SNX29: variants seen among roughly 807,000 people sequenced by gnomAD.
SNX29 encodes sorting nexin 29.
A neutral mutation model predicts 102.1 loss-of-function variants in SNX29; 78 were observed. The ratio of observed to expected loss-of-function variants is 0.76; its 90% CI spans 0.64 to 0.92. The LOEUF is 0.92. Ranked by LOEUF, SNX29 falls within the 40% of genes least tolerant of loss-of-function variation. The pLI, the probability that SNX29 is intolerant of heterozygous loss-of-function variation, is 0.00. For synonymous variants in SNX29, 580 were observed against 414.5 expected (o/e 1.40, Z -4.85); for missense variants, 1,280 against 1,061.7 (o/e 1.21, Z -2.86).
chr16:11,981,828 G>T (rs192776481), intron 1 of SNX29, among the ~76,000 whole-genome samples: 204 of 152,228 alleles, frequency 1.3e-3, no homozygotes, highest in African/African-American at 4.7e-3. Flanking sequence ...GACACCTGAC[G>T]GAAAGCCTCA....
rs998739020 is a variant in SNX29 at position 12,428,966 on chromosome 16, G to C, written c.2037+25437G>C. Reference sequence around the variant, plus strand: ...ATCTCCTAGTTAATTACAACACACAGATACGATTGCGATTAATAGTTCTTT... The same window carrying C: ...ATCTCCTAGTTAATTACAACACACACATACGATTGCGATTAATAGTTCTTT... On this transcript the variant is annotated intron_variant, in intron 18 of 20. Coordinates refer to ENST00000566228, the MANE Select transcript of SNX29 (RefSeq NM_032167.5). Among the ~76,000 whole-genome samples, 4 of 151,212 alleles carry C rather than the reference G, an allele frequency of 2.6e-5. No individual in the cohort carries two copies. In the East Asian group the frequency reaches 5.9e-4, roughly 22 times the overall value.
chr16:12,000,339 G>A (rs959341400), intron 2 of SNX29: 3 of 152,218 alleles, frequency 2.0e-5, no homozygotes, highest in Non-Finnish European at 2.9e-5. Flanking sequence ...TCATTTTACG[G>A]ATGAAGAGAC....
At chr16:12,564,422 A>G (rs766411482) in intron 20 of SNX29, among the ~76,000 whole-genome samples, 1 of 152,176 alleles carries the variant, frequency 6.6e-6, no homozygotes, top group Non-Finnish European at 1.5e-5. Context: ...GATTGGCACT[A>G]TTATCCTCAT....
chr16:12,336,193 G>C (rs1231031313), intron 15 of SNX29, among the ~76,000 whole-genome samples: 1 of 151,888 alleles, frequency 6.6e-6, no homozygotes, highest in African/African-American at 2.4e-5. Context: ...GGTTGAAATG[G>C]CTTCATATTG....
At chr16:12,553,152 C>T (rs1476900286) in intron 20 of SNX29, among the ~76,000 whole-genome samples, 1 of 152,180 alleles carries the variant, frequency 6.6e-6, no homozygotes, top group African/African-American at 2.4e-5. Context: ...GCTCTGGGGT[C>T]CTTCCTGGGA....
chr16:12,324,651 C>G (rs1186671801), intron 15 of SNX29, among the ~76,000 whole-genome samples: 1 of 152,032 alleles, frequency 6.6e-6, no homozygotes, highest in Non-Finnish European at 1.5e-5. Context: ...GTGAATTGAT[C>G]CCCTTCCCCT....
chr16:12,363,463 A>T (rs2082363947), intron 16 of SNX29, among the ~76,000 whole-genome samples: 1 of 152,134 alleles, frequency 6.6e-6, no homozygotes, highest in Non-Finnish European at 1.5e-5. Flanking sequence ...CTTTAGGTGG[A>T]AACCCAAATC....
At chr16:12,218,835 C>T (rs939742562) in intron 14 of SNX29, among the ~76,000 whole-genome samples, 14 of 151,950 alleles carry the variant, frequency 9.2e-5, no homozygotes, top group African/African-American at 2.2e-4. Context: ...AGTGCAGTGG[C>T]GCGACCTCGG....
chr16:12,542,758 CCT>C (rs2077399583), intron 20 of SNX29, among the ~76,000 whole-genome samples: 1 of 148,378 alleles, frequency 6.7e-6, no homozygotes, highest in Non-Finnish European at 1.5e-5. Flanking sequence ...ACTATCACTG[CCT>C]TTTTTTTTTT....
chr16:12,447,383 C>T (rs764348231), intron 18 of SNX29, among the ~76,000 whole-genome samples: 20 of 152,138 alleles, frequency 1.3e-4, no homozygotes, highest in Non-Finnish European at 2.2e-4. Flanking sequence ...TTCTAAAAAT[C>T]AAAACTAAAA....
rs1016286821 is a variant in SNX29, at chr16:12,572,226, A to G, written c.*3597A>G. ...GTGCTTTAAAAACCAGAGGCTCCTG[A>G]AAGTCGTTTACACCAGGTGGATTGA... On this transcript the variant is annotated 3_prime_UTR_variant, in exon 21 of 21. Transcript: ENST00000566228. The G allele has an allele frequency of 1.2e-5, 12 of 1,019,174 alleles. No individual in the cohort carries two copies. In the Middle Eastern group the frequency reaches 1.3e-3, roughly 111 times the overall value. The allele number at this position is 1,019,174 out of a possible 1,614,324, so 63.1% of individuals were successfully genotyped here.
Position 12,278,007 on chromosome 16 carries a change from G to A in SNX29, c.1753G>A (p.Ala585Thr), listed in dbSNP as rs1011178448. The change falls in exon 15 of 21, where the codon GCA (alanine) becomes ACA (threonine). Residue 585 changes from alanine (A) to threonine (T), a missense_variant. By Grantham distance (58) the Ala-to-Thr change is moderately conservative. Transcript: ENST00000566228. ...GCCGGGAGAAATTGCTGAAGAACTC[G>A]CAAGCTCCTACGAAAGAAAGCTCAT... The part of the protein sequence containing the change: ...QKPGEIAEEL[A>T]SSYERKLIEV... The A allele has an allele frequency of 1.4e-5, 22 of 1,604,918 alleles. 1 individual carries two copies. The highest frequency in any genetic ancestry group is 2.2e-5 in the East Asian group (1 of 44,648).
At chr16:12,004,705 T>C (rs977383119) in intron 3 of SNX29, among the ~76,000 whole-genome samples, 4 of 152,164 alleles carry the variant, frequency 2.6e-5, no homozygotes, top group African/African-American at 9.7e-5. Flanking sequence ...TGTTCTTTTG[T>C]AGAATTTTAA....
At chr16:12,357,341 CA>C (rs569982294) in intron 16 of SNX29, among the ~76,000 whole-genome samples, 7 of 150,396 alleles carry the variant, frequency 4.7e-5, no homozygotes, top group Non-Finnish European at 8.9e-5. Flanking sequence ...TCTAAAAATA[CA>C]AAAAAAAATA....
At chr16:12,116,479 C>A (rs1210548163) in intron 11 of SNX29, among the ~76,000 whole-genome samples, 1 of 152,148 alleles carries the variant, frequency 6.6e-6, no homozygotes, top group African/African-American at 2.4e-5. Flanking sequence ...TTGAGACCAG[C>A]CTGGCCAACA....
chr16:12,547,491 G>A (rs1458781379), intron 20 of SNX29, among the ~76,000 whole-genome samples: 12 of 152,202 alleles, frequency 7.9e-5, no homozygotes, highest in Non-Finnish European at 1.8e-4. Context: ...AGAACTACCA[G>A]AACTTGCTGG....
chr16:12,275,311 G>A (rs1373719008), intron 14 of SNX29, among the ~76,000 whole-genome samples: 1 of 152,158 alleles, frequency 6.6e-6, no homozygotes, highest in East Asian at 1.9e-4. Flanking sequence ...GAGGGAAGAA[G>A]AATGGGAGAA....
intron 18 of SNX29, among the ~76,000 whole-genome samples, chr16:12,470,131 A>G (rs1000061284): frequency 1.3e-5 from 2 of 152,276 alleles, no homozygotes; most frequent in Non-Finnish European, 2.9e-5. Flanking sequence ...CGTCCAAGAA[A>G]GTTCCAGCTA....
chr16:11,984,853 G>T (rs1015524773), intron 1 of SNX29, among the ~76,000 whole-genome samples: 1 of 152,098 alleles, frequency 6.6e-6, no homozygotes, highest in Non-Finnish European at 1.5e-5. Flanking sequence ...CAGGGTCTCA[G>T]TATATTGCCC....
Sources: allele counts gnomAD v4.1 joint callset (sites outside exome capture counted in the v4.1 genomes callset), GRCh38; gene constraint gnomAD v4.1.1; transcripts MANE v1.5; gene names NCBI Gene and HGNC (gene_info 2026-07-23, HGNC 2026-07-21).